The following METTL6 variants were observed in gnomAD, a reference collection of about 807,000 sequenced individuals.
The protein encoded by METTL6 is methyltransferase 6, tRNA N3-cytidine.
A neutral mutation model predicts 26.4 loss-of-function variants in METTL6; 22 were observed. The observed-to-expected ratio is 0.83, with a 90% confidence interval of 0.59 to 1.19. METTL6 has a LOEUF of 1.19. METTL6 is among the 50% of genes most tolerant of loss of function. METTL6 has a pLI of 0.00. For missense variants in METTL6, 304 were observed against 324.8 expected (o/e 0.94, Z 0.49); for synonymous variants, 109 against 116.2 (o/e 0.94, Z 0.40).
At chr3:15,424,467 A>G (rs1227331885) in intron 3 of METTL6, among the ~76,000 whole-genome samples, 1 of 152,160 alleles carries the variant, frequency 6.6e-6, no homozygotes, top group Admixed American at 6.5e-5. Flanking sequence ...AGGTTTCACC[A>G]TGTTGCCCAG....
At position 15,410,686 on chromosome 3, in the gene METTL6, C is replaced by T. The variant is rs1336079227; in HGVS notation, c.*570G>A. Among the ~76,000 whole-genome samples the T allele has an allele frequency of 1.3e-5, 2 of 151,868 alleles. No individual in the cohort carries two copies. The highest frequency in any genetic ancestry group is 2.9e-5 in the Non-Finnish European group (2 of 67,970). On this transcript the variant is annotated 3_prime_UTR_variant, in exon 6 of 6. Coordinates refer to ENST00000383790, the MANE Select transcript of METTL6 (RefSeq NM_152396.4). The stretch of plus-strand genomic sequence containing the variant: ...GTGGTAAGTGAAACCATGGATAAAG[C>T]GGGACTACTGTACATGCTCATTAAA...
chr3:15,397,931 C>A (rs1468838223), intron 6 of METTL6, among the ~76,000 whole-genome samples: 1 of 152,120 alleles, frequency 6.6e-6, no homozygotes, highest in Non-Finnish European at 1.5e-5. Flanking sequence ...CCATGCTTTA[C>A]CTGGACCTAC....
At chr3:15,398,059 C>A (rs1699540057) in intron 6 of METTL6, among the ~76,000 whole-genome samples, 1 of 151,928 alleles carries the variant, frequency 6.6e-6, no homozygotes, top group African/African-American at 2.4e-5. Flanking sequence ...GTCTAGCCAC[C>A]CCCACCCTTT....
exon 7 of METTL6, chr3:15,383,118 C>T (rs1301779331): frequency 2.0e-5 from 3 of 152,110 alleles, no homozygotes; most frequent in Non-Finnish European, 4.4e-5. Context: ...AATTTTACCC[C>T]CAGATATGGC....
intron 3 of METTL6, among the ~76,000 whole-genome samples, chr3:15,424,453 G>C (rs1267991491): frequency 6.6e-6 from 1 of 152,138 alleles, no homozygotes; most frequent in Non-Finnish European, 1.5e-5. Context: ...TTTTGGTAGA[G>C]ACAAGGTTTC....
chr3:15,424,279 T>G (rs571267319), intron 3 of METTL6, among the ~76,000 whole-genome samples: 1 of 152,346 alleles, frequency 6.6e-6, no homozygotes, highest in East Asian at 1.9e-4. Context: ...ATTTTATTTG[T>G]TTATTTAAAG....
chr3:15,425,349 C>T (rs1023440685), intron 2 of METTL6, among the ~76,000 whole-genome samples: 1 of 152,202 alleles, frequency 6.6e-6, no homozygotes, highest in Non-Finnish European at 1.5e-5. Context: ...TCCTCCCCTG[C>T]ATTCTATCCT....
intron 6 of METTL6, among the ~76,000 whole-genome samples, chr3:15,404,467 C>A (rs1313779660): frequency 6.6e-6 from 1 of 151,770 alleles, no homozygotes; most frequent in African/African-American, 2.4e-5. Context: ...CTCAGCCTCC[C>A]GAGTACCTGG....
downstream of METTL6, among the ~76,000 whole-genome samples, chr3:15,405,366 G>A (rs1318755332): frequency 6.6e-6 from 1 of 152,182 alleles, no homozygotes; most frequent in Non-Finnish European, 1.5e-5. Context: ...AATCTCCAGT[G>A]AGGCCAAAAT....
At chr3:15,400,281 C>A (rs1699607424) in intron 6 of METTL6, among the ~76,000 whole-genome samples, 1 of 152,126 alleles carries the variant, frequency 6.6e-6, no homozygotes, top group South Asian at 2.1e-4. Flanking sequence ...TCTCTGCACC[C>A]CCACCAAGCC....
chr3:15,423,671 G>A (rs111308930), intron 3 of METTL6, among the ~76,000 whole-genome samples: 79 of 152,138 alleles, frequency 5.2e-4, no homozygotes, highest in African/African-American at 1.5e-3. Flanking sequence ...CCAGAAGTTC[G>A]AGACCAGCCT....
chr3:15,427,334 G>A (rs747351084), intron 1 of METTL6, 68 bp downstream of exon 1: 10 of 202,040 alleles, frequency 4.9e-5, no homozygotes, highest in Non-Finnish European at 1.0e-4. Flanking sequence ...AATTTAGTCA[G>A]CCACGCTCAG....
intron 6 of METTL6, among the ~76,000 whole-genome samples, chr3:15,393,227 G>C (rs1204602067): frequency 6.6e-6 from 1 of 152,176 alleles, no homozygotes; most frequent in African/African-American, 2.4e-5. Context: ...TTGTAAGTTG[G>C]ATTCCTAGGT....
downstream of METTL6, among the ~76,000 whole-genome samples, chr3:15,408,524 G>A (rs1387583072): frequency 6.8e-6 from 1 of 147,148 alleles, no homozygotes; most frequent in East Asian, 2.1e-4. Flanking sequence ...GATAACAAAA[G>A]CACAGGCTTA....
At chr3:15,426,217 G>T in intron 2 of METTL6, 70 bp downstream of exon 2, 1 of 1,467,968 alleles carries the variant, frequency 6.8e-7, no homozygotes, top group Non-Finnish European at 9.4e-7. Flanking sequence ...GGGATTACAG[G>T]CATGAGCCAT....
chr3:15,410,353 T>C lies in METTL6; in HGVS notation c.*903A>G, dbSNP rs774005573. Among the ~76,000 whole-genome samples, 24 of 152,204 alleles carry C rather than the reference T, an allele frequency of 1.6e-4. No homozygotes were observed. The highest frequency in any genetic ancestry group is 2.6e-4 in the Non-Finnish European group (18 of 68,032). On this transcript the variant is annotated 3_prime_UTR_variant, in exon 6 of 6. Transcript: ENST00000383790. ...TTTTGTTTTTTTTGAGACAGACTTT[T>C]GCTCTGTCGCCCAGGCTGGAGTGCA...
rs2124893859 is a variant in METTL6, at chr3:15,388,492, T to C, written c.*12-4305A>G. The stretch of plus-strand genomic sequence containing the variant: ...GAGTGCTGATTGATCAGGTCAGAGA[T>C]AAAATCATAAGAAGCTGAAGCTGTC... On this transcript the variant is annotated intron_variant, in intron 6 of 6. Transcript: ENST00000443029. Among the ~76,000 whole-genome samples, 3 of 152,124 alleles carry C rather than the reference T, an allele frequency of 2.0e-5. No individual in the cohort carries two copies. The Middle Eastern group carries it at 0.01, about 517-fold the overall frequency.
In METTL6 at chr3:15,427,505, C is replaced by A. The variant is rs993469476; in HGVS notation, c.-228G>T. ...CACGAATTCGGATTATCCGGGAGTT[C>A]TTTTGCCATGGCACCGCCCCCGCCA... is the stretch of plus-strand genomic sequence containing the variant. On this transcript the variant is annotated 5_prime_UTR_variant, in exon 1 of 6. It introduces an in-frame stop codon into an upstream open reading frame of the 5' UTR. Transcript: ENST00000383790. 2.0e-6 allele frequency: 1 copy of A among 509,538 alleles called. No individual in the cohort carries two copies. The highest frequency in any genetic ancestry group is 3.5e-5 in the Admixed American group (1 of 28,600). 31.6% of individuals were successfully genotyped at this position (509,538 alleles called of 1,614,324 possible). A position where few individuals can be genotyped will look rare whatever the true frequency, so the allele number is the denominator to read the frequency against.
At chr3:15,415,510 C>T (rs765908150) in intron 4 of METTL6, 3 of 1,594,146 alleles carry the variant, frequency 1.9e-6, no homozygotes, top group Non-Finnish European at 2.5e-6. Flanking sequence ...TATAGCAGGA[C>T]TCCATGGATC....
Sources: gnomAD v4.1 joint callset for allele counts (sites outside exome capture counted in the v4.1 genomes callset) on GRCh38, gnomAD v4.1.1 for gene constraint, MANE v1.5 for transcripts, NCBI Gene and HGNC (gene_info 2026-07-23, HGNC 2026-07-21) for gene names.